The following RNF213 variants were observed in gnomAD, a reference collection of about 807,000 sequenced individuals.
RNF213 encodes ring finger protein 213.
RNF213 carries 341 observed loss-of-function variants against 514.4 expected under a neutral mutation model. The observed-to-expected ratio is 0.66, with a 90% CI of 0.61 to 0.73. RNF213 has a LOEUF of 0.73. RNF213 is among the 30% of genes least tolerant of loss of function. The pLI is 0.00. For synonymous variants in RNF213, 2,655 were observed against 2,658.2 expected (o/e 1.00, Z 0.04); for missense variants, 5,767 against 6,615.6 (o/e 0.87, Z 4.45).
chr17:80,299,721 C>T (rs1216637256), intron 11 of RNF213, among the ~76,000 whole-genome samples: 4 of 152,126 alleles, frequency 2.6e-5, no homozygotes, highest in African/African-American at 7.2e-5. Context: ...TCCCATCCTC[C>T]ACCCTCTGAT....
At chr17:80,384,077 G>T (rs754067611) in intron 59 of RNF213, 149 bp downstream of exon 59, 1 of 977,240 alleles carries the variant, frequency 1.0e-6, no homozygotes. Flanking sequence ...AAGACTCAGG[G>T]CTAGAGATCT....
rs986562971 is a variant in RNF213, at chr17:80,393,260, C to T, written c.15471-85C>T. On this transcript the variant is annotated intron_variant, in intron 67 of 67. Transcript: ENST00000582970. ...CCTCCCACAGTGCTGGGCTTACACACGTGAGCCACACAGTGCTGGGCTTAC... is the reference window on the plus strand; with the variant it reads ...CCTCCCACAGTGCTGGGCTTACACATGTGAGCCACACAGTGCTGGGCTTAC... The T allele has an allele frequency of 4.5e-5, 50 of 1,113,070 alleles. 1 individual carries two copies. The highest frequency in any genetic ancestry group is 7.7e-5 in the Admixed American group (4 of 51,788). 68.9% of individuals were successfully genotyped at this position (1,113,070 alleles called of 1,614,324 possible). A position where few individuals can be genotyped will look rare whatever the true frequency, so the allele number is the denominator to read the frequency against.
intron 23 of RNF213, 159 bp from the exon 24 acceptor site, chr17:80,337,427 C>T (rs1000624167): frequency 6.1e-5 from 53 of 869,224 alleles, no homozygotes; most frequent in Admixed American, 1.7e-4. Flanking sequence ...GGCACCTGGT[C>T]CAGCTGGGGC....
chr17:80,285,232 C>T (rs1157054414), intron 3 of RNF213, among the ~76,000 whole-genome samples: 1 of 152,200 alleles, frequency 6.6e-6, no homozygotes, highest in Admixed American at 6.5e-5. Context: ...CTGCTGTCTC[C>T]ACTTTAAAGA....
intron 20 of RNF213, among the ~76,000 whole-genome samples, chr17:80,331,075 T>C (rs2046400852): frequency 1.3e-5 from 2 of 152,196 alleles, no homozygotes; most frequent in African/African-American, 4.8e-5. Flanking sequence ...CGCCTCAGCC[T>C]CCCAAAGTGC....
At chr17:80,314,196 A>G (rs1238032480) in intron 15 of RNF213, among the ~76,000 whole-genome samples, 11 of 77,656 alleles carry the variant, frequency 1.4e-4, no homozygotes, top group South Asian at 3.8e-4. Flanking sequence ...GGTGAAGGTG[A>G]TGGTGGAGGT....
Position 80,322,392 on chromosome 17 carries a change from C to T in RNF213, c.3025-2638C>T, listed in dbSNP as rs576729785. On this transcript the variant is annotated intron_variant, in intron 17 of 67. Coordinates refer to ENST00000582970, the MANE Select transcript of RNF213 (RefSeq NM_001256071.3). ...TGCCTGTAGACCATCCTGGCTAACA[C>T]GGTGACACCCTGTCTCTACTAAAAA... Among the ~76,000 whole-genome samples, 15 of 151,946 alleles carry T rather than the reference C, an allele frequency of 9.9e-5. No individual in the cohort carries two copies. The South Asian group carries it at 1.0e-3, about 11-fold the overall frequency.
intron 3 of RNF213, 26 bp downstream of exon 3, chr17:80,273,430 C>G (rs752345854): frequency 1.2e-6 from 2 of 1,610,264 alleles, no homozygotes; most frequent in Non-Finnish European, 1.7e-6. Flanking sequence ...CGGCTCCCCT[C>G]CGCCCCCGCT....
In RNF213 at chr17:80,350,324, A is replaced by G. The variant is rs776362268; in HGVS notation, c.10112A>G (p.Lys3371Arg). The change falls in exon 31 of 68, where the codon AAA becomes AGA. Residue 3371 changes from lysine (K) to arginine (R), a missense_variant. Lys to Arg is a conservative substitution (Grantham distance 26). Transcript: ENST00000582970. ...EVRNCLTNTA[K>R]CKILIFQTDF... ...AGAAACTGTTTAACGAATACAGCCA[A>G]ATGTAAAATCCTCATTTTTCAGACA... The G allele has an allele frequency of 1.6e-5, 26 of 1,609,318 alleles. No individual in the cohort carries two copies. The highest frequency in any genetic ancestry group is 3.3e-4 in the Middle Eastern group (2 of 6,078).
rs375776649 is a variant in RNF213, at chr17:80,364,542, T to C, written c.11860T>C (p.Leu3954=). 10 of 1,614,016 alleles carry C rather than the reference T, an allele frequency of 6.2e-6. No homozygotes were observed. Among genetic ancestry groups the C allele is most frequent in the African/African-American group, 4.0e-5 (3 of 74,918 alleles). The change falls in exon 42 of 68, where the codon TTA becomes CTA. Residue 3954 remains leucine (L), a synonymous_variant. Transcript: ENST00000582970. ...GGGGCTGGTGACCGAGCACGTCTTC[T>C]TACTAGACAAGGTGAGTACTTGGGC... The part of the protein sequence containing the change: ...LQGLVTEHVF[L]LDKCLRENSD...
In RNF213 at chr17:80,328,313, G is replaced by A. The variant is rs371598729; in HGVS notation, c.3368-15G>A. ...TGCTGTATTGGGTTACTTTATTGGT[G>A]TTCTTATTTTCCAGGGGAAAAAAGT... is the stretch of plus-strand genomic sequence containing the variant. On this transcript the variant is annotated splice_polypyrimidine_tract_variant and intron_variant, in intron 19 of 67. Coordinates refer to ENST00000582970, the MANE Select transcript of RNF213 (RefSeq NM_001256071.3). 6.5e-7 allele frequency: 1 copy of A among 1,533,386 alleles called. No homozygotes were observed. The highest frequency in any genetic ancestry group is 1.4e-5 in the African/African-American group (1 of 72,848). 95.0% of individuals were successfully genotyped at this position (1,533,386 alleles called of 1,614,324 possible).
At chr17:80,360,420 C>T (rs2079012083) in intron 38 of RNF213, 2 of 591,136 alleles carry the variant, frequency 3.4e-6, no homozygotes, top group Admixed American at 5.3e-5. Context: ...GACCAGAAAC[C>T]TTTCGATCCT....
chr17:80,358,015 A>G (rs1393372524), intron 36 of RNF213, among the ~76,000 whole-genome samples: 2 of 152,120 alleles, frequency 1.3e-5, no homozygotes, highest in African/African-American at 2.4e-5. Context: ...AAAAGCAAAC[A>G]CTACTTCACC....
chr17:80,353,942 C>T lies in RNF213; in HGVS notation c.10579-77C>T. On this transcript the variant is annotated intron_variant, in intron 34 of 67. Coordinates refer to ENST00000582970, the MANE Select transcript of RNF213 (RefSeq NM_001256071.3). The surrounding 1 kb of genome is among the most constrained non-coding windows in gnomAD (Gnocchi z 5.0). ...GTGCTGTTTGCTGCATTGAGACCCT[C>T]ATCGCATACGGGCGGTTTGGCTTTT... 1 of 1,577,910 alleles carries T rather than the reference C, an allele frequency of 6.3e-7. No homozygotes were observed. The highest frequency in any genetic ancestry group is 8.7e-7 in the Non-Finnish European group (1 of 1,150,966).
At chr17:80,284,846 G>A (rs970491566) in intron 3 of RNF213, among the ~76,000 whole-genome samples, 1 of 152,164 alleles carries the variant, frequency 6.6e-6, no homozygotes, top group African/African-American at 2.4e-5. Flanking sequence ...GATTCCTCTG[G>A]AGAGAGGAAG....
intron 10 of RNF213, among the ~76,000 whole-genome samples, chr17:80,296,683 T>C (rs1040703028): frequency 6.6e-6 from 1 of 152,136 alleles, no homozygotes; most frequent in African/African-American, 2.4e-5. Context: ...TTTTACACAT[T>C]TATTTATTTG....
chr17:80,293,482 T>C (rs1056117859), intron 8 of RNF213, among the ~76,000 whole-genome samples: 1 of 152,122 alleles, frequency 6.6e-6, no homozygotes, highest in African/African-American at 2.4e-5. Flanking sequence ...TATATAAATA[T>C]GGAATTCCTG....
rs1314344137 is a variant in RNF213, at chr17:80,264,509, GC to G, written c.97+736del. Among the ~76,000 whole-genome samples the G allele has an allele frequency of 1.3e-5, 2 of 152,034 alleles. No individual in the cohort carries two copies. The highest frequency in any genetic ancestry group is 2.9e-5 in the Non-Finnish European group (2 of 67,980). On this transcript the variant is annotated intron_variant, in intron 2 of 67. Coordinates refer to ENST00000582970, the MANE Select transcript of RNF213 (RefSeq NM_001256071.3). This position sits in a 1 kb window ranked among gnomAD's most constrained non-coding sequence, Gnocchi z 5.0. ...TTAAACACCAACCCTAAAACTAGCA[GC>G]CCCCAGACCTTCAGCCTTTCTGTGT...
Position 80,367,771 on chromosome 17 carries a change from G to A in RNF213, c.11895G>A (p.Val3965=), listed in dbSNP as rs2079338973. The change falls in exon 43 of 68, where the codon GTG becomes GTA. Residue 3965 remains valine (V), a synonymous_variant. Coordinates refer to ENST00000582970, the MANE Select transcript of RNF213 (RefSeq NM_001256071.3). Reference sequence around the variant, plus strand: ...AGTGTCTTCGAGAGAACTCTGACGTGAAGACGCACGGGCCTTTTGAGGCCG... The same window carrying A: ...AGTGTCTTCGAGAGAACTCTGACGTAAAGACGCACGGGCCTTTTGAGGCCG... ...LDKCLRENSD[V]KTHGPFEAVM... The A allele has an allele frequency of 1.9e-6, 3 of 1,614,084 alleles. No homozygotes were observed. The highest frequency in any genetic ancestry group is 3.3e-5 in the Admixed American group (2 of 60,014).
Sources: allele counts gnomAD v4.1 joint callset (sites outside exome capture counted in the v4.1 genomes callset), GRCh38; gene constraint gnomAD v4.1.1; non-coding constraint Gnocchi (gnomAD v3.1); transcripts MANE v1.5; gene names NCBI Gene and HGNC (gene_info 2026-07-23, HGNC 2026-07-21).